Variants in AUTS2 observed in about 807,000 individuals in gnomAD.
The protein encoded by AUTS2 is autism susceptibility gene 2 protein.
A neutral mutation model predicts 112.4 loss-of-function variants in AUTS2; 17 were observed. The ratio of observed to expected loss-of-function variants is 0.15; its 90% CI spans 0.10 to 0.23. AUTS2 has a LOEUF of 0.23. Ranked by LOEUF, AUTS2 falls within the 10% of genes least tolerant of loss-of-function variation. The pLI, the probability that AUTS2 is intolerant of heterozygous loss-of-function variation, is 1.00. For missense variants in AUTS2, 1,510 were observed against 1,701.6 expected, an observed-to-expected ratio of 0.89 and a Z score of 1.98; for synonymous variants, 751 against 702.7, an observed-to-expected ratio of 1.07 and a Z score of -1.09.
intron 4 of AUTS2, among the ~76,000 whole-genome samples, chr7:70,368,744 G>C (rs1342958380): frequency 6.6e-6 from 1 of 152,138 alleles, no homozygotes; most frequent in Non-Finnish European, 1.5e-5. Flanking sequence ...GGAAATATTT[G>C]GTGATCAGTG....
chr7:70,652,854 A>T (rs1240697633), intron 5 of AUTS2, among the ~76,000 whole-genome samples: 1 of 152,080 alleles, frequency 6.6e-6, no homozygotes, highest in African/African-American at 2.4e-5. Context: ...TGATTGGTTG[A>T]TGTTTTATCT....
At chr7:70,547,644 C>T (rs140749084) in intron 5 of AUTS2, among the ~76,000 whole-genome samples, 1 of 152,258 alleles carries the variant, frequency 6.6e-6, no homozygotes, top group Non-Finnish European at 1.5e-5. Context: ...AATTTGTTTC[C>T]GTTAATTGCT....
intron 4 of AUTS2, among the ~76,000 whole-genome samples, chr7:70,302,816 C>T (rs1789280626): frequency 6.6e-6 from 1 of 152,030 alleles, no homozygotes; most frequent in Non-Finnish European, 1.5e-5. Context: ...CCCCACTAAG[C>T]ACTTCTCATC....
rs558838798 is a variant in AUTS2 at position 70,040,811 on chromosome 7, C to T, written c.523-77321C>T. 8.5e-5 allele frequency among the ~76,000 whole-genome samples: 13 copies of T among 152,244 alleles called. 1 individual carries two copies. Among genetic ancestry groups the T allele is most frequent in the South Asian group, 6.2e-4 (3 of 4,822 alleles). ...GAAGCCACTGCAGGTTACCCTGGGG[C>T]GCCATTTCTGTGCTCTGGATTAATT... On this transcript the variant is annotated intron_variant, in intron 2 of 18. Transcript: ENST00000342771.
At chr7:70,023,866 C>G (rs183428825) in intron 2 of AUTS2, among the ~76,000 whole-genome samples, 2 of 152,252 alleles carry the variant, frequency 1.3e-5, no homozygotes, top group Admixed American at 6.5e-5. Flanking sequence ...AAATGTAAAC[C>G]ATAGTTTTTC....
intron 1 of AUTS2, among the ~76,000 whole-genome samples, chr7:69,764,420 C>T (rs1252412425): frequency 5.3e-5 from 8 of 149,802 alleles, no homozygotes; most frequent in African/African-American, 1.2e-4. Context: ...TCTCAAGTTG[C>T]GGGCAGGGGC....
intron 5 of AUTS2, among the ~76,000 whole-genome samples, chr7:70,602,538 T>C (rs1803530199): frequency 6.6e-6 from 1 of 152,244 alleles, no homozygotes; most frequent in Non-Finnish European, 1.5e-5. Flanking sequence ...TGTGTTTCAT[T>C]GTAGTAACAT....
intron 2 of AUTS2, among the ~76,000 whole-genome samples, chr7:69,947,515 G>A (rs1014415295): frequency 1.3e-5 from 2 of 151,998 alleles, no homozygotes; most frequent in African/African-American, 4.8e-5. Context: ...GAAATACCGT[G>A]GAATTCATTT....
chr7:69,911,600 A>G (rs1743263472), intron 2 of AUTS2, among the ~76,000 whole-genome samples: 1 of 152,084 alleles, frequency 6.6e-6, no homozygotes, highest in Admixed American at 6.5e-5. Flanking sequence ...GGAGACCTCA[A>G]GTGGGTAACT....
chr7:70,187,699 T>TCTCAGACATCTAC (rs1014876755), intron 4 of AUTS2, among the ~76,000 whole-genome samples: 12 of 151,650 alleles, frequency 7.9e-5, no homozygotes, highest in Non-Finnish European at 1.5e-4. Context: ...CTACTGCAAA[T>TCTCAGACATCTAC]CTCAGACATC....
chr7:70,071,855 G>A (rs1802783415), intron 2 of AUTS2, among the ~76,000 whole-genome samples: 1 of 152,140 alleles, frequency 6.6e-6, no homozygotes, highest in African/African-American at 2.4e-5. Flanking sequence ...AGGCAGCCAG[G>A]GCTGTTTTAT....
At chr7:69,840,725 A>G (rs1791940691) in intron 1 of AUTS2, among the ~76,000 whole-genome samples, 2 of 152,208 alleles carry the variant, frequency 1.3e-5, no homozygotes, top group Non-Finnish European at 2.9e-5. Context: ...GGAGGTGACT[A>G]TGATGTCAAC....
chr7:70,267,025 T>C (rs1787461418), intron 4 of AUTS2, among the ~76,000 whole-genome samples: 2 of 152,222 alleles, frequency 1.3e-5, no homozygotes, highest in South Asian at 4.1e-4. Flanking sequence ...AATGGAACTT[T>C]CTTCTGTGTG....
chr7:70,608,752 C>T (rs1190798135), intron 5 of AUTS2, among the ~76,000 whole-genome samples: 1 of 151,912 alleles, frequency 6.6e-6, no homozygotes, highest in Non-Finnish European at 1.5e-5. Context: ...GTAGATATGG[C>T]AGAGAATGTT....
At chr7:70,120,613 T>C (rs918597195) in intron 3 of AUTS2, among the ~76,000 whole-genome samples, 9 of 152,152 alleles carry the variant, frequency 5.9e-5, no homozygotes, top group Non-Finnish European at 8.8e-5. Flanking sequence ...TTTTTCATAG[T>C]GTAGAGAAAT....
intron 4 of AUTS2, among the ~76,000 whole-genome samples, chr7:70,282,787 A>G (rs1262738167): frequency 6.6e-6 from 1 of 152,126 alleles, no homozygotes; most frequent in African/African-American, 2.4e-5. Flanking sequence ...AGGAGGAGGG[A>G]TTTTGTGGAA....
chr7:70,302,175 C>T (rs1450633909), intron 4 of AUTS2, among the ~76,000 whole-genome samples: 2 of 152,058 alleles, frequency 1.3e-5, no homozygotes, highest in Non-Finnish European at 2.9e-5. Flanking sequence ...CTTTGGGAGG[C>T]CAACGTGGGA....
At chr7:70,368,656 T>C (rs1471257445) in intron 4 of AUTS2, among the ~76,000 whole-genome samples, 1 of 152,204 alleles carries the variant, frequency 6.6e-6, no homozygotes, top group Admixed American at 6.5e-5. Flanking sequence ...TATTTGCCTC[T>C]GCAGTCATCA....
At chr7:69,832,033 T>G (rs1791522361) in intron 1 of AUTS2, among the ~76,000 whole-genome samples, 1 of 152,142 alleles carries the variant, frequency 6.6e-6, no homozygotes, top group East Asian at 1.9e-4. Flanking sequence ...CAAAATATCC[T>G]TTGAACCTAT....
Sources: allele counts gnomAD v4.1 joint callset (sites outside exome capture counted in the v4.1 genomes callset), GRCh38; gene constraint gnomAD v4.1.1; transcripts MANE v1.5; gene names NCBI Gene and HGNC (gene_info 2026-07-23, HGNC 2026-07-21).